Variants in HDAC9 observed in about 807,000 individuals in gnomAD.
The protein encoded by HDAC9 is histone deacetylase 9.
Under a neutral mutation model 139.4 loss-of-function variants are expected in HDAC9, and 41 were observed. The observed-to-expected ratio is 0.29, with a 90% confidence interval of 0.23 to 0.38. The LOEUF (loss-of-function observed/expected upper bound fraction) is 0.38, where lower values mean the gene tolerates loss of function less well. Ranked by LOEUF, HDAC9 falls within the 10% of genes least tolerant of loss-of-function variation. The pLI is 1.00. For synonymous variants in HDAC9, 517 were observed against 476.2 expected, an observed-to-expected ratio of 1.09 and a Z score of -1.12; for missense variants, 1,147 against 1,297.0, an observed-to-expected ratio of 0.88 and a Z score of 1.78.
chr7:18,356,744 T>A (rs1282467361), intron 1 of HDAC9, among the ~76,000 whole-genome samples: 5 of 151,638 alleles, frequency 3.3e-5, no homozygotes, highest in African/African-American at 1.2e-4. Context: ...TCATAAGAAT[T>A]CCTGACACAA....
intron 1 of HDAC9, among the ~76,000 whole-genome samples, chr7:18,099,987 TC>T (rs1270701064): frequency 7.9e-5 from 12 of 152,350 alleles, no homozygotes; most frequent in African/African-American, 2.9e-4. Flanking sequence ...CTGCCTGACT[TC>T]CTTTAAACAT....
chr7:18,168,897 T>TTTTTTGTG (rs1351720169), intron 2 of HDAC9, among the ~76,000 whole-genome samples: 1 of 94,316 alleles, frequency 1.1e-5, no homozygotes, highest in African/African-American at 5.8e-5. Context: ...TTTTTTTTTT[T>TTTTTTGTG]TGTGTGTGTG....
chr7:18,589,724 C>G (rs1277909122), intron 3 of HDAC9, among the ~76,000 whole-genome samples: 1 of 152,052 alleles, frequency 6.6e-6, no homozygotes, highest in African/African-American at 2.4e-5. Context: ...AAGAATAAAG[C>G]TTCTGCTATT....
chr7:18,629,748 G>C (rs1781769083), intron 7 of HDAC9, among the ~76,000 whole-genome samples: 1 of 152,068 alleles, frequency 6.6e-6, no homozygotes. Context: ...TTCTTTTCAG[G>C]AACAGGCAGT....
At position 18,553,596 on chromosome 7, in the gene HDAC9, C is replaced by T. The variant is rs140744182; in HGVS notation, c.23-31685C>T. The stretch of plus-strand genomic sequence containing the variant: ...GCTTCGAAAGATTCTGCTTTAATTC[C>T]GGGTAACTATTGGTAGGGGATTTAA... On this transcript the variant is annotated intron_variant, in intron 2 of 25. Transcript: ENST00000686413. Among the ~76,000 whole-genome samples, 640 of 152,204 alleles carry T rather than the reference C, an allele frequency of 4.2e-3. 5 individuals are homozygous for T. The highest frequency in any genetic ancestry group is 0.014 in the African/African-American group (600 of 41,534).
At chr7:18,727,238 TC>T (rs1210338930) in intron 12 of HDAC9, among the ~76,000 whole-genome samples, 1 of 152,190 alleles carries the variant, frequency 6.6e-6, no homozygotes, top group Non-Finnish European at 1.5e-5. Context: ...GGGGCTGTAT[TC>T]AAAACGTTGG....
intron 1 of HDAC9, among the ~76,000 whole-genome samples, chr7:18,317,094 A>AAAATAAATAAAT (rs71014322): frequency 1.2e-4 from 15 of 127,618 alleles, no homozygotes; most frequent in Non-Finnish European, 2.3e-4. Context: ...ACTCTGTCTC[A>AAAATAAATAAAT]AAATAAATAA....
chr7:18,105,083 CT>C (rs1415841100), intron 1 of HDAC9, among the ~76,000 whole-genome samples: 1 of 149,050 alleles, frequency 6.7e-6, no homozygotes, highest in Admixed American at 6.8e-5. Flanking sequence ...ATCAGCTCAT[CT>C]GCTTTCTAGA....
chr7:18,524,110 G>A (rs1337851346), intron 2 of HDAC9, among the ~76,000 whole-genome samples: 1 of 152,018 alleles, frequency 6.6e-6, no homozygotes, highest in Admixed American at 6.6e-5. Context: ...CTCAGGATAG[G>A]TACTCAAGTA....
intron 1 of HDAC9, among the ~76,000 whole-genome samples, chr7:18,144,681 G>T (rs183238933): frequency 6.6e-6 from 1 of 151,740 alleles, no homozygotes; most frequent in East Asian, 1.9e-4. Flanking sequence ...TCTCCTTTTC[G>T]TGATCTGCCC....
intron 2 of HDAC9, among the ~76,000 whole-genome samples, chr7:18,570,514 A>G (rs1436060695): frequency 6.6e-6 from 1 of 152,234 alleles, no homozygotes; most frequent in Non-Finnish European, 1.5e-5. Flanking sequence ...GGCATACTCC[A>G]GAATGAAATG....
chr7:18,610,452 A>G (rs1415873040), intron 6 of HDAC9, among the ~76,000 whole-genome samples: 2 of 152,032 alleles, frequency 1.3e-5, no homozygotes, highest in Non-Finnish European at 2.9e-5. Flanking sequence ...TAACAACGAT[A>G]GCAAAAACAA....
chr7:18,837,394 C>A (rs375174003), intron 21 of HDAC9, among the ~76,000 whole-genome samples: 4 of 152,028 alleles, frequency 2.6e-5, no homozygotes, highest in Non-Finnish European at 5.9e-5. Flanking sequence ...AATACCATTA[C>A]ATTTGCAAAT....
At chr7:18,157,848 A>AGAGAGACT (rs1291729009) in intron 1 of HDAC9, among the ~76,000 whole-genome samples, 2 of 142,182 alleles carry the variant, frequency 1.4e-5, no homozygotes, top group African/African-American at 2.6e-5. Flanking sequence ...AGAGAGAGAG[A>AGAGAGACT]GAGACTGAGG....
intron 21 of HDAC9, among the ~76,000 whole-genome samples, chr7:18,863,968 G>A (rs1798300127): frequency 2.0e-5 from 3 of 152,134 alleles, no homozygotes; most frequent in Non-Finnish European, 4.4e-5. Context: ...TTCTGATTTC[G>A]ATTCTTTTGG....
chr7:18,539,740 T>G (rs1237015962), intron 2 of HDAC9, among the ~76,000 whole-genome samples: 1 of 152,058 alleles, frequency 6.6e-6, no homozygotes, highest in Non-Finnish European at 1.5e-5. Context: ...AGATCAGTGG[T>G]TGCCAGGGGT....
At chr7:18,270,629 G>A (rs1308995202) in intron 2 of HDAC9, among the ~76,000 whole-genome samples, 1 of 152,070 alleles carries the variant, frequency 6.6e-6, no homozygotes, top group African/African-American at 2.4e-5. Context: ...TAATATGTAT[G>A]TATGTGTATA....
chr7:18,365,262 A>C (rs1433262324), intron 1 of HDAC9, among the ~76,000 whole-genome samples: 1 of 152,092 alleles, frequency 6.6e-6, no homozygotes, highest in Non-Finnish European at 1.5e-5. Flanking sequence ...AGTTGTAAAT[A>C]AATTTTAGAT....
At chr7:18,216,485 A>T (rs1274468133) in intron 2 of HDAC9, among the ~76,000 whole-genome samples, 2 of 152,150 alleles carry the variant, frequency 1.3e-5, no homozygotes, top group Admixed American at 1.3e-4. Flanking sequence ...TAAATGTTTA[A>T]TAAGGTGCTC....
Sources: gnomAD v4.1 joint callset for allele counts (sites outside exome capture counted in the v4.1 genomes callset) on GRCh38, gnomAD v4.1.1 for gene constraint, MANE v1.5 for transcripts, NCBI Gene and HGNC (gene_info 2026-07-23, HGNC 2026-07-21) for gene names.